TTC7B: variants seen among roughly 807,000 people sequenced by gnomAD.
TTC7B encodes tetratricopeptide repeat protein 7B.
TTC7B carries 28 observed loss-of-function variants against 106.8 expected under a neutral mutation model. The observed-to-expected ratio is 0.26, with a 90% CI of 0.19 to 0.36. The LOEUF (loss-of-function observed/expected upper bound fraction) is 0.36, where lower values mean the gene tolerates loss of function less well. Among genes scored for constraint, TTC7B ranks in the 10% least tolerant of loss-of-function variants. TTC7B has a pLI of 1.00. For missense variants in TTC7B, 862 were observed against 1,076.4 expected, an observed-to-expected ratio of 0.80 and a Z score of 2.79; for synonymous variants, 405 against 430.6, an observed-to-expected ratio of 0.94 and a Z score of 0.74.
At chr14:90,592,575 G>T (rs1892005254) in intron 18 of TTC7B, among the ~76,000 whole-genome samples, 1 of 152,114 alleles carries the variant, frequency 6.6e-6, no homozygotes, top group Admixed American at 6.5e-5. Context: ...TGGGCGTGGT[G>T]GTGGGCGCCT....
At position 90,558,403 on chromosome 14, in the gene TTC7B, C is replaced by T. The variant is rs573303614; in HGVS notation, c.2311-16814G>A. On this transcript the variant is annotated intron_variant, in intron 19 of 19. Transcript: ENST00000328459. Reference sequence around the variant, plus strand: ...AGGGCTGCGCCCACCAAGCCCACCCCGGGCGCTGCTCTGCAGCAGCTGGAG... The same window carrying T: ...AGGGCTGCGCCCACCAAGCCCACCCTGGGCGCTGCTCTGCAGCAGCTGGAG... Among the ~76,000 whole-genome samples, 6 of 152,384 alleles carry T rather than the reference C, an allele frequency of 3.9e-5. No homozygotes were observed. In the South Asian group the frequency reaches 6.2e-4, roughly 16 times the overall value.
intron 7 of TTC7B, among the ~76,000 whole-genome samples, chr14:90,688,756 G>T (rs77614090): frequency 6.6e-6 from 1 of 151,584 alleles, no homozygotes; most frequent in East Asian, 1.9e-4. Flanking sequence ...TGCAGATTGC[G>T]CCACTGCACT....
Position 90,578,785 on chromosome 14 carries a change from G to T in TTC7B, c.2108-477C>A, listed in dbSNP as rs1415905461. 1.3e-5 allele frequency among the ~76,000 whole-genome samples: 2 copies of T among 152,070 alleles called. No homozygotes were observed. Among genetic ancestry groups the T allele is most frequent in the African/African-American group, 4.8e-5 (2 of 41,420 alleles). On this transcript the variant is annotated intron_variant, in intron 18 of 19. Coordinates refer to ENST00000328459, the MANE Select transcript of TTC7B (RefSeq NM_001010854.2). The surrounding 1 kb of genome is among the most constrained non-coding windows in gnomAD (Gnocchi z 4.7). ...TCCTGATGCCAAGAAGTATGATGGG[G>T]CTGCAGGCTGCAGCTATCATGTTCA...
chr14:90,695,447 A>G, intron 6 of TTC7B, 53 bp downstream of exon 6: 1 of 1,023,104 alleles, frequency 9.8e-7, no homozygotes, highest in Non-Finnish European at 1.4e-6. Flanking sequence ...GAATGTAAAT[A>G]CCTATGAGAC....
chr14:90,658,264 G>A, intron 10 of TTC7B, 40 bp downstream of exon 10: 1 of 1,534,486 alleles, frequency 6.5e-7, no homozygotes. Context: ...GGCCTTAATA[G>A]GAAAGGCATA....
At chr14:90,675,614 G>A (rs1460176411) in intron 9 of TTC7B, among the ~76,000 whole-genome samples, 2 of 152,174 alleles carry the variant, frequency 1.3e-5, no homozygotes, top group Admixed American at 1.3e-4. Context: ...AGGCTCATCT[G>A]TTTCCCCAAG....
chr14:90,644,325 T>G (rs1885339822), intron 14 of TTC7B, 117 bp from the exon 15 acceptor site: 1 of 1,082,000 alleles, frequency 9.2e-7, no homozygotes, highest in African/African-American at 1.6e-5. Context: ...TCTTCAAATA[T>G]TGAGTTGTTT....
chr14:90,673,993 G>T (rs990607351), intron 9 of TTC7B, among the ~76,000 whole-genome samples: 3 of 152,060 alleles, frequency 2.0e-5, no homozygotes, highest in African/African-American at 7.2e-5. Flanking sequence ...GTGAGGAAAA[G>T]GTTTTGCAAT....
chr14:90,571,912 C>CA (rs1891049372), intron 19 of TTC7B, among the ~76,000 whole-genome samples: 1 of 152,222 alleles, frequency 6.6e-6, no homozygotes, highest in Admixed American at 6.5e-5. Context: ...GACACACAGA[C>CA]ACCGAGTGCC....
At chr14:90,782,038 T>C (rs963067102) in intron 2 of TTC7B, among the ~76,000 whole-genome samples, 1 of 152,222 alleles carries the variant, frequency 6.6e-6, no homozygotes, top group Non-Finnish European at 1.5e-5. Flanking sequence ...GCACTATTTA[T>C]ACTGTAACCT....
At chr14:90,602,156 T>C in intron 17 of TTC7B, 1 of 456,072 alleles carries the variant, frequency 2.2e-6, no homozygotes, top group Non-Finnish European at 4.4e-6. Flanking sequence ...TGGATCCCCA[T>C]ATCCACCAGC....
chr14:90,688,821 A>T (rs902059087), intron 7 of TTC7B, among the ~76,000 whole-genome samples: 9 of 151,874 alleles, frequency 5.9e-5, no homozygotes, highest in African/African-American at 2.2e-4. Flanking sequence ...AATAAAAAAA[A>T]TTTAAAAATT....
chr14:90,627,837 C>A (rs1884516819), intron 15 of TTC7B, among the ~76,000 whole-genome samples: 1 of 152,098 alleles, frequency 6.6e-6, no homozygotes, highest in South Asian at 2.1e-4. Flanking sequence ...TTTTTTGCTC[C>A]CACGTCAGCT....
intron 6 of TTC7B, among the ~76,000 whole-genome samples, chr14:90,694,844 CAA>C (rs1216665016): frequency 5.9e-5 from 8 of 135,124 alleles, no homozygotes; most frequent in Non-Finnish European, 1.1e-4. Flanking sequence ...GTCACACATA[CAA>C]TATATGTGAC....
chr14:90,596,583 T>C (rs1892213199), intron 17 of TTC7B, among the ~76,000 whole-genome samples: 1 of 152,222 alleles, frequency 6.6e-6, no homozygotes, highest in East Asian at 1.9e-4. Flanking sequence ...AGTCCAGCTC[T>C]GATGCCACCT....
intron 19 of TTC7B, among the ~76,000 whole-genome samples, chr14:90,571,563 A>G (rs1595168552): frequency 6.6e-6 from 1 of 152,382 alleles, no homozygotes; most frequent in East Asian, 1.9e-4. Flanking sequence ...ATTATGAAAG[A>G]AAGCAAAATA....
At chr14:90,763,672 A>G (rs1423117582) in intron 3 of TTC7B, among the ~76,000 whole-genome samples, 2 of 152,222 alleles carry the variant, frequency 1.3e-5, no homozygotes, top group Non-Finnish European at 2.9e-5. Flanking sequence ...TAAAGGATAC[A>G]AGATTAATAA....
At position 90,577,455 on chromosome 14, in the gene TTC7B, G is replaced by A. The variant is rs1234742028; in HGVS notation, c.2310+651C>T. 6.6e-6 allele frequency among the ~76,000 whole-genome samples: 1 copy of A among 152,238 alleles called. No individual in the cohort carries two copies. Among genetic ancestry groups the A allele is most frequent in the Non-Finnish European group, 1.5e-5 (1 of 68,042 alleles). On this transcript the variant is annotated intron_variant, in intron 19 of 19. Coordinates refer to ENST00000328459, the MANE Select transcript of TTC7B (RefSeq NM_001010854.2). The surrounding 1 kb of genome is among the most constrained non-coding windows in gnomAD (Gnocchi z 5.0). ...TCTCAAGAATGATCCATGGCAAGGG[G>A]TGGGAGCAGCAGGGCAACCCCAGGC...
At chr14:90,747,298 C>G (rs1043546322) in intron 3 of TTC7B, among the ~76,000 whole-genome samples, 8 of 152,336 alleles carry the variant, frequency 5.3e-5, no homozygotes, top group African/African-American at 1.4e-4. Flanking sequence ...TAGGACTCGA[C>G]TGGGAGAAGA....
Sources: gnomAD v4.1 joint callset for allele counts (sites outside exome capture counted in the v4.1 genomes callset) on GRCh38, gnomAD v4.1.1 for gene constraint, Gnocchi (gnomAD v3.1) non-coding constraint, MANE v1.5 for transcripts, NCBI Gene and HGNC (gene_info 2026-07-23, HGNC 2026-07-21) for gene names.